SRGAP3: variants seen among roughly 807,000 people sequenced by gnomAD.
The protein encoded by SRGAP3 is SLIT-ROBO Rho GTPase-activating protein 3.
SRGAP3 carries 39 observed loss-of-function variants against 121.1 expected under a neutral mutation model. That is an observed-to-expected ratio of 0.32 (90% CI 0.25 to 0.42). SRGAP3 has a LOEUF of 0.42. SRGAP3 is among the 10% of genes least tolerant of loss of function. SRGAP3 has a pLI of 1.00. For synonymous variants in SRGAP3, 601 were observed against 570.0 expected (o/e 1.05, Z -0.77); for missense variants, 1,213 against 1,470.6 (o/e 0.82, Z 2.86).
intron 4 of SRGAP3, among the ~76,000 whole-genome samples, chr3:9,069,733 G>C (rs1043888855): frequency 6.6e-6 from 1 of 152,216 alleles, no homozygotes; most frequent in African/African-American, 2.4e-5. Flanking sequence ...CAGATCACAA[G>C]ATCAGGAGTT....
At chr3:8,994,208 T>C in intron 19 of SRGAP3, 135 bp downstream of exon 19, 1 of 1,149,536 alleles carries the variant, frequency 8.7e-7, no homozygotes. Context: ...TATTACCCAT[T>C]GTTAGAGAAG....
chr3:9,086,663 T>C (rs920741023), intron 3 of SRGAP3, among the ~76,000 whole-genome samples: 36 of 149,110 alleles, frequency 2.4e-4, no homozygotes, highest in African/African-American at 8.9e-4. Context: ...GAAATACATA[T>C]TATATGTATC....
chr3:9,243,664 G>A (rs1039468369), intron 1 of SRGAP3, among the ~76,000 whole-genome samples: 4 of 150,764 alleles, frequency 2.7e-5, no homozygotes, highest in Non-Finnish European at 5.9e-5. Flanking sequence ...GAGAGAGAGA[G>A]AGAAAAGGGA....
chr3:9,122,928 C>G (rs938234950), intron 2 of SRGAP3, among the ~76,000 whole-genome samples: 1 of 152,032 alleles, frequency 6.6e-6, no homozygotes, highest in African/African-American at 2.4e-5. Context: ...GGAAGGTGGA[C>G]GCGACCCAAG....
At chr3:9,308,733 G>C (rs1175140753) in intron 3 of SRGAP3, among the ~76,000 whole-genome samples, 4 of 152,204 alleles carry the variant, frequency 2.6e-5, no homozygotes, top group Non-Finnish European at 5.9e-5. Flanking sequence ...TGATGGAAAT[G>C]ATGGGGAATT....
At chr3:9,206,581 C>G (rs572878001) in intron 1 of SRGAP3, among the ~76,000 whole-genome samples, 2 of 152,308 alleles carry the variant, frequency 1.3e-5, no homozygotes, top group East Asian at 3.9e-4. Context: ...GCCACAGCAG[C>G]CTCCTGAATC....
At chr3:9,351,184 C>A (rs2030122526) in intron 1 of SRGAP3, among the ~76,000 whole-genome samples, 1 of 152,156 alleles carries the variant, frequency 6.6e-6, no homozygotes, top group Admixed American at 6.5e-5. Flanking sequence ...CAAAGTAAAT[C>A]ATAAACCCAG....
chr3:8,984,249 C>T lies in SRGAP3; in HGVS notation c.*1270G>A. On this transcript the variant is annotated 3_prime_UTR_variant, in exon 22 of 22. Coordinates refer to ENST00000383836, the MANE Select transcript of SRGAP3 (RefSeq NM_014850.4). Reference sequence around the variant, plus strand: ...ACTCAACTGACAGTGTCCTCTAGGACAGAAAGTGCCAAGGACTGCCCCTCC... The same window carrying T: ...ACTCAACTGACAGTGTCCTCTAGGATAGAAAGTGCCAAGGACTGCCCCTCC... 1 of 229,904 alleles carries T rather than the reference C, an allele frequency of 4.3e-6. No individual in the cohort carries two copies. The highest frequency in any genetic ancestry group is 8.6e-6 in the Non-Finnish European group (1 of 115,960). 14.2% of individuals were successfully genotyped at this position (229,904 alleles called of 1,614,324 possible).
chr3:9,031,483 C>T (rs747332159), intron 12 of SRGAP3, among the ~76,000 whole-genome samples: 7 of 152,162 alleles, frequency 4.6e-5, no homozygotes, highest in Non-Finnish European at 8.8e-5. Flanking sequence ...CAGCCCCTGA[C>T]ATCCTTCGAC....
intron 3 of SRGAP3, among the ~76,000 whole-genome samples, chr3:9,098,264 T>G (rs2124887432): frequency 6.6e-6 from 1 of 152,338 alleles, no homozygotes; most frequent in African/African-American, 2.4e-5. Flanking sequence ...GTCGTTTATC[T>G]AACTACTTCA....
At position 8,985,420 on chromosome 3, in the gene SRGAP3, C is replaced by T. The variant is rs1033109494; in HGVS notation, c.*99G>A. ...ACCCTCCCAGACGGACCTCTGCCCT[C>T]CAAGGCCAGGGTCACTGGGAAGCAC... On this transcript the variant is annotated 3_prime_UTR_variant, in exon 22 of 22. Transcript: ENST00000383836. The surrounding 1 kb of genome is among the most constrained non-coding windows in gnomAD (Gnocchi z 5.1). The T allele has an allele frequency of 6.4e-7, 1 of 1,558,896 alleles. No individual in the cohort carries two copies. The highest frequency in any genetic ancestry group is 1.4e-5 in the African/African-American group (1 of 73,568).
chr3:9,016,515 T>C (rs371655797), intron 14 of SRGAP3, among the ~76,000 whole-genome samples: 5 of 152,226 alleles, frequency 3.3e-5, no homozygotes, highest in South Asian at 2.1e-4. Context: ...AGAAGGCACG[T>C]ACGTCAGGCT....
chr3:9,266,941 G>A (rs535340116), intron 3 of SRGAP3, among the ~76,000 whole-genome samples: 1 of 152,160 alleles, frequency 6.6e-6, no homozygotes. Context: ...TCTGTCTAAT[G>A]TTGGAAGACA....
chr3:9,280,979 T>TG (rs1954667100), intron 3 of SRGAP3, among the ~76,000 whole-genome samples: 1 of 148,164 alleles, frequency 6.7e-6, no homozygotes, highest in South Asian at 2.1e-4. Context: ...TTGGGGGTGG[T>TG]GGGAGTCTTC....
intron 1 of SRGAP3, among the ~76,000 whole-genome samples, chr3:9,172,093 CTTTTT>C (rs1553684903): frequency 1.1e-5 from 1 of 90,180 alleles, no homozygotes; most frequent in Non-Finnish European, 2.9e-5. Context: ...TTTTTCTTTT[CTTTTT>C]TTTTTTTTTT....
At chr3:9,152,304 C>T (rs1179004791) in intron 1 of SRGAP3, among the ~76,000 whole-genome samples, 3 of 152,314 alleles carry the variant, frequency 2.0e-5, no homozygotes, top group East Asian at 1.9e-4. Flanking sequence ...CTCCCTCCAG[C>T]GACTGGACCA....
intron 13 of SRGAP3, among the ~76,000 whole-genome samples, chr3:9,026,105 C>T (rs560812120): frequency 4.5e-3 from 682 of 152,310 alleles, no homozygotes; most frequent in Non-Finnish European, 7.8e-3. Flanking sequence ...CCTTTCCACT[C>T]GCCATCCTCC....
chr3:9,042,075 T>G (rs1945038360), intron 10 of SRGAP3, among the ~76,000 whole-genome samples: 1 of 139,336 alleles, frequency 7.2e-6, no homozygotes, highest in African/African-American at 2.8e-5. Context: ...CACTCCAGCC[T>G]GGGACCCCCA....
intron 1 of SRGAP3, among the ~76,000 whole-genome samples, chr3:9,360,283 AT>A (rs1415321570): frequency 6.6e-6 from 1 of 152,194 alleles, no homozygotes. Context: ...GTATAAAGCT[AT>A]TACAGATGTT....
Sources: allele counts gnomAD v4.1 joint callset (sites outside exome capture counted in the v4.1 genomes callset), GRCh38; gene constraint gnomAD v4.1.1; non-coding constraint Gnocchi (gnomAD v3.1); transcripts MANE v1.5; gene names NCBI Gene and HGNC (gene_info 2026-07-23, HGNC 2026-07-21).